MALRD1: variants seen among roughly 807,000 people sequenced by gnomAD.
MALRD1 encodes MAM and LDL receptor class A domain containing 1.
MALRD1 carries 247 observed loss-of-function variants against 242.1 expected under a neutral mutation model. That is an observed-to-expected ratio of 1.02 (90% CI 0.92 to 1.13). The LOEUF (loss-of-function observed/expected upper bound fraction) is 1.13. Among genes scored for constraint, MALRD1 ranks in the 50% most tolerant of loss-of-function variants. The pLI, the probability that MALRD1 is intolerant of heterozygous loss-of-function variation, is 0.00. For missense variants in MALRD1, 2,989 were observed against 2,533.1 expected (o/e 1.18, Z -3.86); for synonymous variants, 995 against 866.6 (o/e 1.15, Z -2.60).
intron 38 of MALRD1, among the ~76,000 whole-genome samples, chr10:19,703,613 G>T (rs1238306575): frequency 1.3e-5 from 2 of 152,222 alleles, no homozygotes; most frequent in Non-Finnish European, 2.9e-5. Flanking sequence ...GGTACAAATA[G>T]GTCTGGTGCA....
Position 19,500,331 on chromosome 10 carries a change from G to C in MALRD1, c.5320+1685G>C, listed in dbSNP as rs1047693043. On this transcript the variant is annotated intron_variant, in intron 31 of 39. Coordinates refer to ENST00000454679, the MANE Select transcript of MALRD1 (RefSeq NM_001142308.3). The stretch of plus-strand genomic sequence containing the variant: ...TAAGATGAACAGGACAGAGAATCAA[G>C]AAACTAAGGTCAGTAATTAGAAGGA... 5.3e-5 allele frequency among the ~76,000 whole-genome samples: 8 copies of C among 152,266 alleles called. No homozygotes were observed. In the Middle Eastern group the frequency reaches 0.01, roughly 194 times the overall value.
chr10:19,633,159 A>G (rs73595884), intron 36 of MALRD1, among the ~76,000 whole-genome samples: 15,052 of 152,044 alleles, frequency 0.099, 1,931 homozygotes, highest in African/African-American at 0.3. Context: ...TGAATCTGGG[A>G]GGTGGAGGTT....
At chr10:19,591,954 G>A (rs748423784) in intron 33 of MALRD1, among the ~76,000 whole-genome samples, 2 of 152,158 alleles carry the variant, frequency 1.3e-5, no homozygotes, top group Non-Finnish European at 2.9e-5. Context: ...ATTTTCATTA[G>A]GTTAAAACAA....
intron 21 of MALRD1, among the ~76,000 whole-genome samples, chr10:19,304,269 A>G (rs1460059749): frequency 2.0e-5 from 3 of 151,648 alleles, no homozygotes; most frequent in Non-Finnish European, 4.4e-5. Context: ...CACATGGCAT[A>G]TCGTGGAACT....
At chr10:19,191,204 A>T (rs543398194) in intron 14 of MALRD1, among the ~76,000 whole-genome samples, 1 of 152,222 alleles carries the variant, frequency 6.6e-6, no homozygotes, top group Non-Finnish European at 1.5e-5. Flanking sequence ...TCCAATAAGC[A>T]TGTGAAAAGA....
chr10:19,172,303 A>C (rs980729032), intron 13 of MALRD1, among the ~76,000 whole-genome samples: 3 of 151,302 alleles, frequency 2.0e-5, no homozygotes, highest in Non-Finnish European at 4.4e-5. Context: ...CATTATTTAC[A>C]GGTGTAACAG....
intron 21 of MALRD1, among the ~76,000 whole-genome samples, chr10:19,284,618 A>G (rs914750046): frequency 1.1e-4 from 17 of 149,874 alleles, no homozygotes; most frequent in African/African-American, 3.7e-4. Flanking sequence ...TCCATGGTGT[A>G]TATGTGCCAC....
intron 6 of MALRD1, among the ~76,000 whole-genome samples, chr10:19,124,143 G>A (rs1192132131): frequency 2.6e-5 from 4 of 152,058 alleles, no homozygotes; most frequent in East Asian, 1.9e-4. Flanking sequence ...CTTGAGCCCA[G>A]GAGTTTAAGG....
intron 18 of MALRD1, among the ~76,000 whole-genome samples, chr10:19,250,183 T>C (rs1400047719): frequency 3.9e-5 from 6 of 152,038 alleles, no homozygotes; most frequent in Admixed American, 3.3e-4. Flanking sequence ...GATCGGACAG[T>C]AGTGCATTGT....
rs1315782768 is a variant in MALRD1, at chr10:19,257,797, G to T, written c.3079+26G>T. 8 of 1,406,358 alleles carry T rather than the reference G, an allele frequency of 5.7e-6. No individual in the cohort carries two copies. The East Asian group carries it at 2.1e-4, about 37-fold the overall frequency. The allele number at this position is 1,406,358 out of a possible 1,614,324, so 87.1% of individuals were successfully genotyped here. ...GTAAGAGAGAACATTTCAATTTGGGGTTATTTCTAAATCTGTTTACTTGGA... is the reference window on the plus strand; with the variant it reads ...GTAAGAGAGAACATTTCAATTTGGGTTTATTTCTAAATCTGTTTACTTGGA... On this transcript the variant is annotated intron_variant, in intron 19 of 39. Coordinates refer to ENST00000454679, the MANE Select transcript of MALRD1 (RefSeq NM_001142308.3).
chr10:19,188,444 G>A (rs905287909), intron 14 of MALRD1, among the ~76,000 whole-genome samples: 13 of 152,144 alleles, frequency 8.5e-5, no homozygotes, highest in African/African-American at 2.7e-4. Context: ...TTTTATTTAG[G>A]AGGTGAGATA....
At chr10:19,467,379 C>T (rs1287130858) in intron 29 of MALRD1, among the ~76,000 whole-genome samples, 4 of 93,046 alleles carry the variant, frequency 4.3e-5, no homozygotes, top group East Asian at 4.2e-4. Context: ...GGCAACACAG[C>T]GAGACTCCGT....
intron 36 of MALRD1, among the ~76,000 whole-genome samples, chr10:19,678,760 A>G (rs970171238): frequency 6.6e-6 from 1 of 152,192 alleles, no homozygotes; most frequent in Non-Finnish European, 1.5e-5. Flanking sequence ...GCTTTTGCCC[A>G]TTCAGTATGA....
intron 29 of MALRD1, among the ~76,000 whole-genome samples, chr10:19,462,479 A>G (rs1835996294): frequency 6.6e-6 from 1 of 152,220 alleles, no homozygotes; most frequent in South Asian, 2.1e-4. Context: ...CAGCCTCCCT[A>G]CAGTGAAGTG....
rs1315380623 is a variant in MALRD1, at chr10:19,616,001, A to G, written c.6137+78A>G. On this transcript the variant is annotated intron_variant, in intron 36 of 39. Coordinates refer to ENST00000454679, the MANE Select transcript of MALRD1 (RefSeq NM_001142308.3). ...TTATTTTTCTATAGGCTGATATAAT[A>G]GAGCATCAATCAGTTTGTGGTTAGT... 6 of 1,005,926 alleles carry G rather than the reference A, an allele frequency of 6.0e-6. No homozygotes were observed. The East Asian group carries it at 1.6e-4, about 26-fold the overall frequency. 62.3% of individuals were successfully genotyped at this position (1,005,926 alleles called of 1,614,324 possible).
At chr10:19,411,307 C>T (rs1349113927) in intron 28 of MALRD1, among the ~76,000 whole-genome samples, 1 of 152,048 alleles carries the variant, frequency 6.6e-6, no homozygotes, top group African/African-American at 2.4e-5. Flanking sequence ...TGCTTAGTTC[C>T]AAAAACTACC....
intron 5 of MALRD1, among the ~76,000 whole-genome samples, chr10:19,119,965 A>C (rs2131372686): frequency 6.6e-6 from 1 of 152,252 alleles, no homozygotes; most frequent in East Asian, 1.9e-4. Flanking sequence ...TTCAAGATTT[A>C]GACCTATTTC....
intron 14 of MALRD1, among the ~76,000 whole-genome samples, chr10:19,192,841 G>C (rs11008871): frequency 0.44 from 66,997 of 151,986 alleles, 15,101 homozygotes; most frequent in Admixed American, 0.5. Context: ...TTTCTTTCAA[G>C]ACTCTAAAGA....
intron 26 of MALRD1, among the ~76,000 whole-genome samples, chr10:19,355,378 T>C (rs1844573135): frequency 6.6e-6 from 1 of 150,974 alleles, no homozygotes; most frequent in Non-Finnish European, 1.5e-5. Context: ...AATATAAGAA[T>C]ATGAAAAGTT....
Sources: allele counts gnomAD v4.1 joint callset (sites outside exome capture counted in the v4.1 genomes callset), GRCh38; gene constraint gnomAD v4.1.1; transcripts MANE v1.5; gene names NCBI Gene and HGNC (gene_info 2026-07-23, HGNC 2026-07-21).